The following PPFIA2 variants were observed in gnomAD, a reference collection of about 807,000 sequenced individuals.
The protein encoded by PPFIA2 is PPFI scaffold protein A2, also known as liprin-alpha-2.
PPFIA2 carries 46 observed loss-of-function variants against 175.5 expected under a neutral mutation model. The ratio of observed to expected loss-of-function variants is 0.26; its 90% confidence interval spans 0.21 to 0.34. The LOEUF is 0.34. Among genes scored for constraint, PPFIA2 ranks in the 10% least tolerant of loss-of-function variants. The probability of loss-of-function intolerance (pLI) is 1.00; values close to 1 mark genes in which losing one functional copy is unlikely to be tolerated. For missense variants in PPFIA2, 1,179 were observed against 1,506.1 expected (o/e 0.78, Z 3.60); for synonymous variants, 568 against 511.4 (o/e 1.11, Z -1.49).
At chr12:81,538,921 G>C (rs1359279318) in intron 4 of PPFIA2, among the ~76,000 whole-genome samples, 1 of 151,886 alleles carries the variant, frequency 6.6e-6, no homozygotes, top group Non-Finnish European at 1.5e-5. Flanking sequence ...ACAGACCATA[G>C]AGCGACCAGG....
intron 4 of PPFIA2, among the ~76,000 whole-genome samples, chr12:81,667,701 G>C (rs142338223): frequency 6.6e-6 from 1 of 152,078 alleles, no homozygotes; most frequent in East Asian, 1.9e-4. Flanking sequence ...AGCTTGAGCA[G>C]ATTCATAACT....
At chr12:81,321,418 A>G (rs1047840095) in intron 22 of PPFIA2, among the ~76,000 whole-genome samples, 2 of 152,164 alleles carry the variant, frequency 1.3e-5, no homozygotes, top group African/African-American at 4.8e-5. Flanking sequence ...CTTAAGCAAG[A>G]ATGTTGATGA....
At chr12:81,710,731 G>A (rs957923910) in intron 3 of PPFIA2, among the ~76,000 whole-genome samples, 6 of 147,356 alleles carry the variant, frequency 4.1e-5, no homozygotes, top group African/African-American at 1.5e-4. Context: ...ATAATTTTAT[G>A]CATGAAACAA....
chr12:81,549,588 C>G (rs899560983), intron 4 of PPFIA2, among the ~76,000 whole-genome samples: 2 of 151,910 alleles, frequency 1.3e-5, no homozygotes, highest in African/African-American at 4.8e-5. Context: ...CTGGTCGCTC[C>G]AATGTTCTTA....
intron 4 of PPFIA2, among the ~76,000 whole-genome samples, chr12:81,643,135 C>T (rs994739549): frequency 6.7e-6 from 1 of 149,184 alleles, no homozygotes; most frequent in Admixed American, 6.7e-5. Flanking sequence ...ACATATATAT[C>T]CAAATTACTT....
chr12:81,472,289 T>C (rs763880000), intron 4 of PPFIA2, among the ~76,000 whole-genome samples: 1 of 152,184 alleles, frequency 6.6e-6, no homozygotes, highest in South Asian at 2.1e-4. Context: ...GTGATGAGGA[T>C]GCACAATTTT....
intron 3 of PPFIA2, among the ~76,000 whole-genome samples, chr12:81,722,065 A>G (rs1406388313): frequency 6.6e-6 from 1 of 151,022 alleles, no homozygotes; most frequent in Non-Finnish European, 1.5e-5. Flanking sequence ...GGAAAAAAAA[A>G]TCAGTGTTTC....
chr12:81,435,868 C>T (rs1184827813), intron 7 of PPFIA2, among the ~76,000 whole-genome samples: 1 of 151,962 alleles, frequency 6.6e-6, no homozygotes, highest in East Asian at 1.9e-4. Context: ...ACTCAAGAAC[C>T]AAGCAGATTA....
chr12:81,634,320 A>AT (rs79852373), intron 4 of PPFIA2, among the ~76,000 whole-genome samples: 9,296 of 152,026 alleles, frequency 0.061, 442 homozygotes, highest in East Asian at 0.23. Flanking sequence ...GACTAATCCT[A>AT]TTTTTGTAAT....
At chr12:81,281,477 T>G in intron 26 of PPFIA2, 27 bp from the exon 27 acceptor site, 1 of 1,485,744 alleles carries the variant, frequency 6.7e-7, no homozygotes, top group Non-Finnish European at 9.3e-7. Flanking sequence ...GCAGTCAAGT[T>G]TCTTAACCAA....
At chr12:81,403,181 G>A (rs1017225488) in intron 8 of PPFIA2, among the ~76,000 whole-genome samples, 1 of 152,102 alleles carries the variant, frequency 6.6e-6, no homozygotes, top group East Asian at 1.9e-4. Context: ...AGAAGTGAAT[G>A]ACTTAGCATT....
intron 4 of PPFIA2, among the ~76,000 whole-genome samples, chr12:81,654,089 G>GA (rs796725790): frequency 1.3e-5 from 2 of 149,680 alleles, no homozygotes. Flanking sequence ...TCAAGGAATG[G>GA]AAAAAAATTA....
intron 28 of PPFIA2, 127 bp downstream of exon 28, chr12:81,277,190 A>C (rs2040742305): frequency 1.4e-6 from 1 of 735,650 alleles, no homozygotes; most frequent in Non-Finnish European, 1.9e-6. Flanking sequence ...AAAAAACAGT[A>C]ACAATTCTAG....
chr12:81,282,761 T>C lies in PPFIA2; in HGVS notation c.3018+249A>G, dbSNP rs940898566. ...GGAATTTAAGTTTTGGATCATTCTT[T>C]TGAGAAAGAAAGAAAAGTACCCTTT... is the stretch of plus-strand genomic sequence containing the variant. On this transcript the variant is annotated intron_variant, in intron 26 of 32. Coordinates refer to ENST00000549396, the MANE Select transcript of PPFIA2 (RefSeq NM_003625.5). 11 of 304,048 alleles carry C rather than the reference T, an allele frequency of 3.6e-5. No homozygotes were observed. In the South Asian group the frequency reaches 1.1e-3, roughly 32 times the overall value. The allele number at this position is 304,048 out of a possible 1,614,324, so 18.8% of individuals were successfully genotyped here.
intron 9 of PPFIA2, among the ~76,000 whole-genome samples, chr12:81,376,467 C>T (rs2036387740): frequency 6.6e-6 from 1 of 151,598 alleles, no homozygotes; most frequent in African/African-American, 2.4e-5. Flanking sequence ...TACCAGCTGA[C>T]TTAGAAACTT....
At chr12:81,712,262 C>G (rs1309669590) in intron 3 of PPFIA2, among the ~76,000 whole-genome samples, 1 of 151,180 alleles carries the variant, frequency 6.6e-6, no homozygotes, top group Non-Finnish European at 1.5e-5. Context: ...AGTCTATAAA[C>G]AAGATTAGAG....
chr12:81,724,987 G>A (rs1305704229), intron 3 of PPFIA2, among the ~76,000 whole-genome samples: 3 of 150,760 alleles, frequency 2.0e-5, no homozygotes, highest in Admixed American at 6.6e-5. Flanking sequence ...CCTCATCAGC[G>A]TCTGTTATTT....
chr12:81,532,521 G>T (rs565966033), intron 4 of PPFIA2, among the ~76,000 whole-genome samples: 1 of 151,602 alleles, frequency 6.6e-6, no homozygotes, highest in African/African-American at 2.4e-5. Context: ...TCCATTGCTC[G>T]CAAACAAAAG....
chr12:81,690,330 C>A (rs2075076733), intron 3 of PPFIA2, among the ~76,000 whole-genome samples: 1 of 152,076 alleles, frequency 6.6e-6, no homozygotes, highest in East Asian at 1.9e-4. Context: ...TATTGTAAAA[C>A]AGATTCTGCC....
Sources: allele counts gnomAD v4.1 joint callset (sites outside exome capture counted in the v4.1 genomes callset), GRCh38; gene constraint gnomAD v4.1.1; transcripts MANE v1.5; gene names NCBI Gene and HGNC (gene_info 2026-07-23, HGNC 2026-07-21).